Variants in GRIA4 observed in about 807,000 individuals in gnomAD.
GRIA4 encodes the protein glutamate ionotropic receptor AMPA type subunit 4, also known as glutamate receptor 4.
A neutral mutation model predicts 104.0 loss-of-function variants in GRIA4; 34 were observed. That is an observed-to-expected ratio of 0.33 (90% CI 0.25 to 0.44). The LOEUF (loss-of-function observed/expected upper bound fraction) is 0.44. Ranked by LOEUF, GRIA4 falls within the 20% of genes least tolerant of loss-of-function variation. GRIA4 has a pLI of 1.00. For missense variants in GRIA4, 750 were observed against 1,096.5 expected (o/e 0.68, Z 4.46); for synonymous variants, 386 against 381.9 (o/e 1.01, Z -0.13).
rs531448520 is a variant in GRIA4 at position 105,815,712 on chromosome 11, T to C, written c.488-46312T>C. Among the ~76,000 whole-genome samples, 6 of 152,310 alleles carry C rather than the reference T, an allele frequency of 3.9e-5. No homozygotes were observed. In the South Asian group the frequency reaches 8.3e-4, roughly 21 times the overall value. ...TGTGGATGAGTCCTAAGAGGATTTC[T>C]TCTTTCTCACTTCTAAAGCATTAAC... is the stretch of plus-strand genomic sequence containing the variant. On this transcript the variant is annotated intron_variant, in intron 4 of 16. Transcript: ENST00000282499.
intron 5 of GRIA4, among the ~76,000 whole-genome samples, chr11:105,871,784 A>C (rs942268810): frequency 6.6e-6 from 1 of 152,094 alleles, no homozygotes; most frequent in Admixed American, 6.6e-5. Flanking sequence ...TAAAACATGC[A>C]AATGTAAAAC....
intron 5 of GRIA4, among the ~76,000 whole-genome samples, chr11:105,886,046 A>C (rs1003217411): frequency 1.3e-5 from 2 of 152,244 alleles, no homozygotes; most frequent in African/African-American, 4.8e-5. Context: ...ACTTGTACTG[A>C]AACTGGAGAA....
intron 3 of GRIA4, among the ~76,000 whole-genome samples, chr11:105,687,207 A>G (rs969057758): frequency 2.0e-5 from 3 of 152,196 alleles, no homozygotes; most frequent in Admixed American, 6.5e-5. Context: ...TGAGAAGTCA[A>G]TCTATAAGAA....
At chr11:105,733,893 C>T (rs540216063) in intron 3 of GRIA4, among the ~76,000 whole-genome samples, 82 of 151,438 alleles carry the variant, frequency 5.4e-4, no homozygotes, top group Non-Finnish European at 1.1e-3. Context: ...TCATGCCTTT[C>T]CTGGTAAGGT....
At chr11:105,629,276 T>C (rs1219048051) in intron 3 of GRIA4, among the ~76,000 whole-genome samples, 2 of 150,200 alleles carry the variant, frequency 1.3e-5, no homozygotes, top group Non-Finnish European at 3.0e-5. Context: ...AATAAATAAA[T>C]AAATAAATAA....
At chr11:105,748,383 AT>A (rs34745477) in intron 3 of GRIA4, among the ~76,000 whole-genome samples, 95,591 of 147,818 alleles carry the variant, frequency 0.65, 30,625 homozygotes, top group African/African-American at 0.69. Context: ...CACTTTTGTG[AT>A]TTTTTTTTTT....
chr11:105,853,544 C>T (rs1944896135), intron 4 of GRIA4, among the ~76,000 whole-genome samples: 1 of 152,158 alleles, frequency 6.6e-6, no homozygotes, highest in South Asian at 2.1e-4. Flanking sequence ...AAGTAGTTTT[C>T]AGCTCATTCC....
intron 4 of GRIA4, among the ~76,000 whole-genome samples, chr11:105,785,200 T>C (rs1359116709): frequency 6.6e-6 from 1 of 152,188 alleles, no homozygotes; most frequent in Non-Finnish European, 1.5e-5. Flanking sequence ...CTAGTCTCTC[T>C]GAACTTCAAT....
intron 3 of GRIA4, among the ~76,000 whole-genome samples, chr11:105,634,502 AAAGAAAGAAAG>A (rs1350655281): frequency 4.8e-4 from 36 of 74,500 alleles, no homozygotes; most frequent in African/African-American, 1.4e-3. Flanking sequence ...AGAAAGAAAG[AAAGAAAGAAAG>A]AAGAAAGAAA....
At chr11:105,808,629 A>T (rs1247818530) in intron 4 of GRIA4, among the ~76,000 whole-genome samples, 1 of 152,116 alleles carries the variant, frequency 6.6e-6, no homozygotes, top group East Asian at 1.9e-4. Context: ...AGACAAACAA[A>T]TTCTTTAAAA....
At chr11:105,871,082 AG>A (rs1208230497) in intron 5 of GRIA4, among the ~76,000 whole-genome samples, 1 of 152,128 alleles carries the variant, frequency 6.6e-6, no homozygotes, top group African/African-American at 2.4e-5. Context: ...TCCTCGGCTT[AG>A]GAAAACCCCT....
rs1301152213 is a variant in GRIA4 at position 105,794,471 on chromosome 11, A to ATG, written c.487+41253_487+41254dup. On this transcript the variant is annotated intron_variant, in intron 4 of 16. Transcript: ENST00000282499. ...TGTGTGTCTGTGTGTGTGTATATGTATGTATATATATATATATATATATAT... is the reference window on the plus strand; with the variant it reads ...TGTGTGTCTGTGTGTGTGTATATGTATGTGTATATATATATATATATATATAT... Among the ~76,000 whole-genome samples, 21 of 56,180 alleles carry ATG rather than the reference A, an allele frequency of 3.7e-4. No individual in the cohort carries two copies. In the South Asian group the frequency reaches 5.1e-3, roughly 14 times the overall value. The allele number at this position is 56,180 out of a possible 152,430, so 36.9% of individuals were successfully genotyped here.
chr11:105,612,509 T>C, intron 3 of GRIA4, 75 bp downstream of exon 3: 2 of 1,167,868 alleles, frequency 1.7e-6, no homozygotes, highest in Non-Finnish European at 2.4e-6. Context: ...CTCTTTGTTA[T>C]TTAATTTTTT....
At chr11:105,694,293 G>A (rs1381173875) in intron 3 of GRIA4, among the ~76,000 whole-genome samples, 1 of 151,946 alleles carries the variant, frequency 6.6e-6, no homozygotes, top group Non-Finnish European at 1.5e-5. Context: ...TGGACAACAG[G>A]AGCATGCCAC....
At chr11:105,915,390 T>G (rs1417595858) in intron 10 of GRIA4, among the ~76,000 whole-genome samples, 2 of 151,840 alleles carry the variant, frequency 1.3e-5, no homozygotes, top group African/African-American at 4.8e-5. Flanking sequence ...CTGTCCAAAA[T>G]AAAAAAGAAA....
chr11:105,872,067 C>T (rs567132898), intron 5 of GRIA4, among the ~76,000 whole-genome samples: 5 of 152,208 alleles, frequency 3.3e-5, no homozygotes, highest in Admixed American at 2.0e-4. Context: ...AACTGCTCTA[C>T]AGAACTGCAT....
In GRIA4 at chr11:105,974,656, G is replaced by C. The variant is rs1162205059; in HGVS notation, c.2544+212G>C. The C allele has an allele frequency of 3.3e-6, 4 of 1,208,188 alleles. No homozygotes were observed. In the South Asian group the frequency reaches 6.1e-5, roughly 18 times the overall value. The allele number at this position is 1,208,188 out of a possible 1,614,324, so 74.8% of individuals were successfully genotyped here. On this transcript the variant is annotated intron_variant, in intron 16 of 16. Coordinates refer to ENST00000282499, the MANE Select transcript of GRIA4 (RefSeq NM_000829.4). ...TGGTGGTATTGCTTGCTTCTAATTA[G>C]AGCTTTATATTTTTGAAAACTTCAG... is the stretch of plus-strand genomic sequence containing the variant.
At chr11:105,660,989 T>C (rs997042836) in intron 3 of GRIA4, among the ~76,000 whole-genome samples, 5 of 151,598 alleles carry the variant, frequency 3.3e-5, no homozygotes, top group Non-Finnish European at 5.9e-5. Context: ...GTTCTTAACC[T>C]TGACTGTATA....
At chr11:105,642,425 A>G (rs1389660540) in intron 3 of GRIA4, among the ~76,000 whole-genome samples, 7 of 151,214 alleles carry the variant, frequency 4.6e-5, no homozygotes. Context: ...CACACCCAAG[A>G]CTTCCTGAAA....
Sources: gnomAD v4.1 joint callset for allele counts (sites outside exome capture counted in the v4.1 genomes callset) on GRCh38, gnomAD v4.1.1 for gene constraint, MANE v1.5 for transcripts, NCBI Gene and HGNC (gene_info 2026-07-23, HGNC 2026-07-21) for gene names.